The following E2F3 variants were observed in gnomAD, a reference collection of about 807,000 sequenced individuals.
The protein encoded by E2F3 is transcription factor E2F3.
E2F3 carries 11 observed loss-of-function variants against 44.4 expected under a neutral mutation model. The ratio of observed to expected loss-of-function variants is 0.25; its 90% CI spans 0.16 to 0.41. The LOEUF is 0.41. E2F3 is among the 10% of genes least tolerant of loss of function. The probability of loss-of-function intolerance (pLI) is 1.00; values close to 1 mark genes in which losing one functional copy is unlikely to be tolerated. For synonymous variants in E2F3, 249 were observed against 253.0 expected (o/e 0.98, Z 0.15); for missense variants, 487 against 583.6 (o/e 0.83, Z 1.70).
intron 4 of E2F3, among the ~76,000 whole-genome samples, chr6:20,485,030 A>G (rs1762345959): frequency 6.6e-6 from 1 of 150,434 alleles, no homozygotes; most frequent in Non-Finnish European, 1.5e-5. Context: ...CCTTTTTTTT[A>G]TATTAAACAT....
At chr6:20,428,687 G>A (rs574557776) in intron 1 of E2F3, among the ~76,000 whole-genome samples, 115 of 152,278 alleles carry the variant, frequency 7.6e-4, no homozygotes, top group African/African-American at 2.4e-3. Flanking sequence ...CTGAAAACAG[G>A]TCTCTTGCCT....
At chr6:20,434,285 A>T (rs921956181) in intron 1 of E2F3, among the ~76,000 whole-genome samples, 1 of 152,220 alleles carries the variant, frequency 6.6e-6, no homozygotes, top group Non-Finnish European at 1.5e-5. Context: ...ATCGTTAAAA[A>T]AGTCAGAGGC....
At chr6:20,470,356 G>T (rs1761849342) in intron 1 of E2F3, among the ~76,000 whole-genome samples, 2 of 152,198 alleles carry the variant, frequency 1.3e-5, no homozygotes, top group Non-Finnish European at 2.9e-5. Context: ...CCCATGCAGG[G>T]CTTGGTACAT....
rs144368479 is a variant in E2F3, at chr6:20,423,764, C to T, written c.393+21139C>T. Reference sequence around the variant, plus strand: ...GATTACAGGTGTGAGCCACCACACCCGGCCATTACAGTGCTTTTTTTGAGA... The same window carrying T: ...GATTACAGGTGTGAGCCACCACACCTGGCCATTACAGTGCTTTTTTTGAGA... On this transcript the variant is annotated intron_variant, in intron 1 of 6. Coordinates refer to ENST00000346618, the MANE Select transcript of E2F3 (RefSeq NM_001949.5). Among the ~76,000 whole-genome samples, 850 of 150,584 alleles carry T rather than the reference C, an allele frequency of 5.6e-3. 8 individuals are homozygous for T. The highest frequency in any genetic ancestry group is 0.019 in the African/African-American group (759 of 40,860).
At chr6:20,482,662 G>A in intron 3 of E2F3, 100 bp from the exon 4 acceptor site, 2 of 1,137,846 alleles carry the variant, frequency 1.8e-6, no homozygotes, top group African/African-American at 1.6e-5. Flanking sequence ...AACAAGCAAT[G>A]TGACCTCCTA....
At chr6:20,406,368 C>T (rs1037300064) in intron 1 of E2F3, among the ~76,000 whole-genome samples, 12 of 152,168 alleles carry the variant, frequency 7.9e-5, no homozygotes, top group Non-Finnish European at 1.6e-4. Flanking sequence ...AACTATTTAG[C>T]ACAGTGCCTG....
chr6:20,442,987 A>G (rs1760825708), intron 1 of E2F3, among the ~76,000 whole-genome samples: 1 of 152,036 alleles, frequency 6.6e-6, no homozygotes, highest in Admixed American at 6.6e-5. Context: ...AAAATCTCAA[A>G]TCTATTTTTT....
intron 1 of E2F3, among the ~76,000 whole-genome samples, chr6:20,424,551 T>C (rs1760146915): frequency 6.6e-6 from 1 of 152,134 alleles, no homozygotes; most frequent in African/African-American, 2.4e-5. Context: ...CTTTGTGATA[T>C]GATTTGCTAT....
intron 1 of E2F3, among the ~76,000 whole-genome samples, chr6:20,436,262 T>C (rs1330670751): frequency 6.6e-6 from 1 of 152,196 alleles, no homozygotes; most frequent in Non-Finnish European, 1.5e-5. Context: ...ACTATAGGCG[T>C]GAGCCACCAT....
rs199515614 is a variant in E2F3, at chr6:20,402,505, G to A, written c.273G>A (p.Ala91=). The A allele has an allele frequency of 3.4e-5, 54 of 1,603,640 alleles. No individual in the cohort carries two copies. Among genetic ancestry groups the A allele is most frequent in the Middle Eastern group, 3.4e-4 (2 of 5,930 alleles). The change falls in exon 1 of 7, where the codon GCG becomes GCA. Residue 91 remains alanine (A), a synonymous_variant. Transcript: ENST00000346618. This position sits in a 1 kb window ranked among gnomAD's most constrained non-coding sequence, Gnocchi z 5.6. ...CCCTCCTCCCCAGTGCCCCCGGCGCGGAGCAGACCGCCGGCAGCCTCCTCT... is the reference window on the plus strand; with the variant it reads ...CCCTCCTCCCCAGTGCCCCCGGCGCAGAGCAGACCGCCGGCAGCCTCCTCT... ...AGPLLPSAPG[A]EQTAGSLLYT...
At chr6:20,467,462 C>A (rs946086360) in intron 1 of E2F3, among the ~76,000 whole-genome samples, 15 of 152,110 alleles carry the variant, frequency 9.9e-5, no homozygotes, top group Admixed American at 2.6e-4. Context: ...GCTGATGATA[C>A]CAATCTAAAA....
chr6:20,456,076 C>G (rs919496901), intron 1 of E2F3, among the ~76,000 whole-genome samples: 2 of 152,072 alleles, frequency 1.3e-5, no homozygotes, highest in East Asian at 3.9e-4. Flanking sequence ...TCATAAGTTT[C>G]TGGTAAATTT....
intron 1 of E2F3, among the ~76,000 whole-genome samples, chr6:20,449,986 T>G (rs1403005563): frequency 6.6e-6 from 1 of 152,204 alleles, no homozygotes; most frequent in Admixed American, 6.5e-5. Flanking sequence ...TTCCGAGGTA[T>G]ATATGTACCA....
intron 1 of E2F3, among the ~76,000 whole-genome samples, chr6:20,454,305 A>T (rs1761237784): frequency 6.6e-6 from 1 of 152,246 alleles, no homozygotes; most frequent in Non-Finnish European, 1.5e-5. Flanking sequence ...GTTTCTGAGC[A>T]TGCTCAAGAT....
chr6:20,441,618 A>G (rs986189179), intron 1 of E2F3, among the ~76,000 whole-genome samples: 7 of 152,020 alleles, frequency 4.6e-5, no homozygotes, highest in Non-Finnish European at 7.4e-5. Context: ...TCTGTTGCCC[A>G]GGCTGGAGTG....
Position 20,479,954 on chromosome 6 carries a change from A to G in E2F3, c.502A>G (p.Lys168Glu). ...TGCACTACGAAGTCCAGATAGTCCAAAAAGTAAGGATCTTTTCATCTCTTT... is the reference window on the plus strand; with the variant it reads ...TGCACTACGAAGTCCAGATAGTCCAGAAAGTAAGGATCTTTTCATCTCTTT... Reference protein sequence around the residue: ...RAALRSPDSPKTPKSPSEKTR... With the variant: ...RAALRSPDSPETPKSPSEKTR... Residue 168 changes from lysine (K) to glutamate (E), a missense_variant, in exon 2 of 7, where the codon AAA (lysine) becomes GAA (glutamate). Transcript: ENST00000346618. 1.2e-6 allele frequency: 2 copies of G among 1,605,564 alleles called. No homozygotes were observed. Among genetic ancestry groups the G allele is most frequent in the Non-Finnish European group, 1.7e-6 (2 of 1,175,442 alleles).
chr6:20,478,016 G>A (rs1384562234), intron 1 of E2F3, among the ~76,000 whole-genome samples: 2 of 148,668 alleles, frequency 1.3e-5, no homozygotes, highest in East Asian at 3.9e-4. Flanking sequence ...ACATACAGAG[G>A]CCCCATCTCT....
intron 1 of E2F3, among the ~76,000 whole-genome samples, chr6:20,464,774 GT>G (rs1478451622): frequency 6.6e-6 from 1 of 152,200 alleles, no homozygotes; most frequent in Non-Finnish European, 1.5e-5. Flanking sequence ...CTTATGAAGT[GT>G]GTTCAAATAT....
At chr6:20,471,285 T>C (rs1418901171) in intron 1 of E2F3, among the ~76,000 whole-genome samples, 1 of 152,214 alleles carries the variant, frequency 6.6e-6, no homozygotes, top group African/African-American at 2.4e-5. Context: ...GGTTGGGCAT[T>C]TATGTTGCAC....
Sources: allele counts gnomAD v4.1 joint callset (sites outside exome capture counted in the v4.1 genomes callset), GRCh38; gene constraint gnomAD v4.1.1; non-coding constraint Gnocchi (gnomAD v3.1); transcripts MANE v1.5; gene names NCBI Gene and HGNC (gene_info 2026-07-23, HGNC 2026-07-21).